The following SERPINA11 variants were observed in gnomAD, a reference collection of about 807,000 sequenced individuals.
The protein encoded by SERPINA11 is serpin A11.
SERPINA11 carries 28 observed loss-of-function variants against 29.4 expected under a neutral mutation model. The observed-to-expected ratio is 0.95, with a 90% CI of 0.70 to 1.30. SERPINA11 has a LOEUF of 1.30. SERPINA11 is among the 50% of genes most tolerant of loss of function. SERPINA11 has a pLI of 0.00. For synonymous variants in SERPINA11, 253 were observed against 206.6 expected (o/e 1.22, Z -1.92); for missense variants, 530 against 507.3 (o/e 1.04, Z -0.43).
chr14:94,443,465 C>T (rs1898381370), intron 3 of SERPINA11, among the ~76,000 whole-genome samples: 1 of 152,184 alleles, frequency 6.6e-6, no homozygotes. Flanking sequence ...GGCACAGCTA[C>T]CTGTCTTTGT....
At chr14:94,449,501 C>CTCTT (rs145017389) in intron 1 of SERPINA11, among the ~76,000 whole-genome samples, 16,441 of 113,986 alleles carry the variant, frequency 0.14, 2,307 homozygotes, top group Middle Eastern at 0.23. Context: ...GTCTTTCTTT[C>CTCTT]TCTTTCTTTT....
chr14:94,449,934 G>T (rs1898556510), intron 1 of SERPINA11, among the ~76,000 whole-genome samples: 1 of 152,182 alleles, frequency 6.6e-6, no homozygotes, highest in Admixed American at 6.5e-5. Context: ...CCTCGGTCAG[G>T]CCCCAAGAGA....
intron 3 of SERPINA11, among the ~76,000 whole-genome samples, chr14:94,444,469 GT>G (rs1898400046): frequency 6.6e-6 from 1 of 152,134 alleles, no homozygotes; most frequent in African/African-American, 2.4e-5. Flanking sequence ...GTGGGAAGAA[GT>G]CAAACCAAAC....
At chr14:94,444,152 CCCG>C (rs1436796385) in intron 3 of SERPINA11, among the ~76,000 whole-genome samples, 1 of 152,126 alleles carries the variant, frequency 6.6e-6, no homozygotes, top group Non-Finnish European at 1.5e-5. Flanking sequence ...GGAAGCAAGA[CCCG>C]CGCCAGTTGG....
At chr14:94,443,368 T>C in intron 3 of SERPINA11, 143 bp from the exon 4 acceptor site, 6 of 710,564 alleles carry the variant, frequency 8.4e-6, no homozygotes, top group Admixed American at 3.0e-5. Flanking sequence ...CTGTTCACTA[T>C]GGCGGACCAT....
rs574488711 is a variant in SERPINA11, at chr14:94,448,666, T to G, written c.109A>C (p.Arg37=). The G allele has an allele frequency of 2.0e-4, 324 of 1,580,598 alleles. 3 individuals are homozygous for G. The South Asian group carries it at 3.3e-3, about 16-fold the overall frequency. ...DKSLQGPQPP[R]HQLSEPAPAY... ...GGGGCTGGCTCTGAGAGCTGATGCC[T>G]GGGGGGTTGAGGCCCCTGCAGACTT... The change falls in exon 2 of 5, where the codon AGG becomes CGG. Residue 37 remains arginine, a synonymous_variant. Coordinates refer to ENST00000334708, the MANE Select transcript of SERPINA11 (RefSeq NM_001080451.2).
At position 94,448,676 on chromosome 14, in the gene SERPINA11, A is replaced by G. The variant is rs1479669945; in HGVS notation, c.99T>C (p.Pro33=). 1 of 1,562,024 alleles carries G rather than the reference A, an allele frequency of 6.4e-7. No homozygotes were observed. Among genetic ancestry groups the G allele is most frequent in the African/African-American group, 1.4e-5 (1 of 73,050 alleles). Residue 33 remains proline, a synonymous_variant, in exon 2 of 5, where the codon CCT becomes CCC. Transcript: ENST00000334708. ...CTGAGAGCTGATGCCTGGGGGGTTG[A>G]GGCCCCTGCAGACTTTTATCTCCAT... The part of the protein sequence containing the change: ...LAHGDKSLQG[P]QPPRHQLSEP...
At chr14:94,452,099 A>G (rs1420213248) in intron 1 of SERPINA11, among the ~76,000 whole-genome samples, 2 of 152,160 alleles carry the variant, frequency 1.3e-5, no homozygotes, top group Non-Finnish European at 2.9e-5. Context: ...TAGTTGGGGA[A>G]CAGCTGGGCT....
At chr14:94,452,648 C>CACACACACACACAGAGACAG (rs1231099390) in intron 1 of SERPINA11, 81 bp downstream of exon 1, 10 of 144,040 alleles carry the variant, frequency 6.9e-5, no homozygotes, top group African/African-American at 2.7e-4. Context: ...CACACACACA[C>CACACACACACACAGAGACAG]AGAGACAGAG....
In SERPINA11 at chr14:94,443,107, T is replaced by A; in HGVS notation, c.1036A>T (p.Thr346Ser). 1 of 1,613,722 alleles carries A rather than the reference T, an allele frequency of 6.2e-7. No individual in the cohort carries two copies. ...GAGATGGTTTTGTTGAGCTGCCCAG[T>A]GACTCCTGAGAAGTCAGCTTCTAAG... ...LNLEADFSGV[T>S]GQLNKTISKV... Residue 346 changes from threonine (T) to serine (S), a missense_variant, in exon 4 of 5, where the codon ACT becomes TCT. Coordinates refer to ENST00000334708, the MANE Select transcript of SERPINA11 (RefSeq NM_001080451.2).
chr14:94,443,247 G>A (rs1204805563), intron 3 of SERPINA11, 22 bp from the exon 4 acceptor site: 2 of 1,605,854 alleles, frequency 1.2e-6, no homozygotes, highest in Admixed American at 3.4e-5. Flanking sequence ...AACAGACAGA[G>A]AAATGGTGCT....
rs1196047168 is a variant in SERPINA11 at position 94,442,772 on chromosome 14, C to T, written c.1103G>A (p.Gly368Glu). 1.9e-6 allele frequency: 3 copies of T among 1,612,182 alleles called. No homozygotes were observed. The highest frequency in any genetic ancestry group is 1.3e-5 in the African/African-American group (1 of 74,962). Residue 368 changes from glycine to glutamate, a missense_variant, in exon 5 of 5, where the codon GGG becomes GAG. Gly to Glu is a moderately conservative substitution (Grantham distance 98). Coordinates refer to ENST00000334708, the MANE Select transcript of SERPINA11 (RefSeq NM_001080451.2). The stretch of plus-strand genomic sequence containing the variant: ...GCCTGAAGCAGCCCCGGCCTCGGTC[C>T]CCTTCTCACTCATGTCCACCATCGC... The part of the protein sequence containing the change: ...HKAMVDMSEK[G>E]TEAGAASGLL...
intron 3 of SERPINA11, among the ~76,000 whole-genome samples, chr14:94,445,576 A>AT (rs922315134): frequency 1.3e-5 from 2 of 152,130 alleles, no homozygotes; most frequent in African/African-American, 4.8e-5. Context: ...GATAATAATA[A>AT]TTTTTTATTA....
rs770084681 is a variant in SERPINA11, at chr14:94,448,115, G to C, written c.643+17C>G. On this transcript the variant is annotated intron_variant, in intron 2 of 4. Transcript: ENST00000334708. ...TTGCAGAGGCAGTGGCAATAATTCT[G>C]TCAGAGCAAGCCTCACCTTTGAAGA... is the stretch of plus-strand genomic sequence containing the variant. The C allele has an allele frequency of 6.2e-7, 1 of 1,606,338 alleles. No individual in the cohort carries two copies. The highest frequency in any genetic ancestry group is 1.3e-5 in the African/African-American group (1 of 74,666).
chr14:94,445,442 CAAGT>C (rs963459439), intron 3 of SERPINA11, among the ~76,000 whole-genome samples: 6 of 152,052 alleles, frequency 3.9e-5, no homozygotes, highest in African/African-American at 9.7e-5. Context: ...AACCATAAAG[CAAGT>C]GAGATGGGAA....
chr14:94,452,324 C>G (rs1265378716), intron 1 of SERPINA11, among the ~76,000 whole-genome samples: 2 of 152,190 alleles, frequency 1.3e-5, no homozygotes, highest in African/African-American at 4.8e-5. Flanking sequence ...AGGAGCAAGA[C>G]TCAGATTCCA....
chr14:94,451,570 C>T (rs1898587112), intron 1 of SERPINA11, among the ~76,000 whole-genome samples: 1 of 152,222 alleles, frequency 6.6e-6, no homozygotes, highest in Non-Finnish European at 1.5e-5. Context: ...TTCTACTCCA[C>T]TGCACCCCAG....
chr14:94,447,618 C>A (rs1898471423), intron 2 of SERPINA11, among the ~76,000 whole-genome samples: 1 of 152,240 alleles, frequency 6.6e-6, no homozygotes, highest in African/African-American at 2.4e-5. Context: ...GAGCCCTCAA[C>A]CTGGCCTTGT....
rs1566784725 is a variant in SERPINA11 at position 94,449,467 on chromosome 14, TTCTTTC to T, written c.-3-696_-3-691del. ...TTTCTTTCTTTCTTTCTTTCTTTCT[TTCTTTC>T]TTTCTTTCTGTCTGTCTGTCTTTCT... On this transcript the variant is annotated intron_variant, in intron 1 of 4. Coordinates refer to ENST00000334708, the MANE Select transcript of SERPINA11 (RefSeq NM_001080451.2). Among the ~76,000 whole-genome samples the T allele has an allele frequency of 2.5e-4, 22 of 88,188 alleles. 1 individual carries two copies. Among genetic ancestry groups the T allele is most frequent in the African/African-American group, 1.7e-3 (21 of 12,688 alleles). The allele number at this position is 88,188 out of a possible 152,430, so 57.9% of individuals were successfully genotyped here. A position where few individuals can be genotyped will look rare whatever the true frequency, so the allele number is the denominator to read the frequency against.
Sources: allele counts gnomAD v4.1 joint callset (sites outside exome capture counted in the v4.1 genomes callset), GRCh38; gene constraint gnomAD v4.1.1; transcripts MANE v1.5; gene names NCBI Gene and HGNC (gene_info 2026-07-23, HGNC 2026-07-21).